LILRB1: variants seen among roughly 807,000 people sequenced by gnomAD.
LILRB1 encodes leukocyte immunoglobulin-like receptor subfamily B member 1.
A neutral mutation model predicts 74.6 loss-of-function variants in LILRB1; 59 were observed. The observed-to-expected ratio is 0.79, with a 90% CI of 0.64 to 0.98. The LOEUF is 0.98. Among genes scored for constraint, LILRB1 ranks in the 50% least tolerant of loss-of-function variants. LILRB1 has a pLI of 0.00. For missense variants in LILRB1, 804 were observed against 822.6 expected, an observed-to-expected ratio of 0.98 and a Z score of 0.28; for synonymous variants, 328 against 333.9, an observed-to-expected ratio of 0.98 and a Z score of 0.19.
chr19:54,636,787 C>T lies in LILRB1; in HGVS notation c.1868C>T (p.Thr623Ile), dbSNP rs369673231. The T allele has an allele frequency of 1.2e-5, 20 of 1,612,892 alleles. No homozygotes were observed. The highest frequency in any genetic ancestry group is 1.6e-5 in the Non-Finnish European group (19 of 1,179,374). Residue 623 changes from threonine (T) to isoleucine (I), a missense_variant, in exon 15 of 15, where the codon ACC (threonine) becomes ATC (isoleucine). Thr to Ile is a moderately conservative substitution (Grantham distance 89). Coordinates refer to ENST00000324602, the MANE Select transcript of LILRB1 (RefSeq NM_001081637.3). Reference protein sequence around the residue: ...DVTYAQLHSLTLRREATEPPP... With the variant: ...DVTYAQLHSLILRREATEPPP... Reference sequence around the variant, plus strand: ...ACCTACGCCCAGCTGCACAGCTTGACCCTCAGACGGGAGGCAACTGAGCCT... The same window carrying T: ...ACCTACGCCCAGCTGCACAGCTTGATCCTCAGACGGGAGGCAACTGAGCCT...
chr19:54,617,553 C>CTGTG (rs55635122), intron 1 of LILRB1, among the ~76,000 whole-genome samples: 38,089 of 142,982 alleles, frequency 0.27, 5,403 homozygotes, highest in South Asian at 0.34. Context: ...TACAGGATGT[C>CTGTG]TGTGTGTGTG....
chr19:54,618,862 T>C (rs954717705), intron 1 of LILRB1, among the ~76,000 whole-genome samples: 2 of 152,318 alleles, frequency 1.3e-5, no homozygotes, highest in Admixed American at 1.3e-4. Flanking sequence ...TGTCACAGTG[T>C]TCATAAATAA....
At chr19:54,634,340 G>T (rs2064196872) in intron 9 of LILRB1, 1 of 1,541,634 alleles carries the variant, frequency 6.5e-7, no homozygotes, top group Non-Finnish European at 8.8e-7. Flanking sequence ...CATGGTTCAG[G>T]ACGGTCAGGC....
chr19:54,633,542 T>C lies in LILRB1; in HGVS notation c.1262-96T>C, dbSNP rs1281296181. 11 of 1,294,818 alleles carry C rather than the reference T, an allele frequency of 8.5e-6. No homozygotes were observed. In the East Asian group the frequency reaches 1.8e-4, roughly 21 times the overall value. 80.2% of individuals were successfully genotyped at this position (1,294,818 alleles called of 1,614,324 possible). A position where few individuals can be genotyped will look rare whatever the true frequency, so the allele number is the denominator to read the frequency against. On this transcript the variant is annotated intron_variant, in intron 7 of 14. Transcript: ENST00000324602. ...GGAGAGGCGGGTGGAGGGAGGGGCC[T>C]GGGGAGGCCACAGGTCCCATGTAGA...
At chr19:54,625,902 T>A (rs2063573672), upstream of LILRB1, among the ~76,000 whole-genome samples, 2 of 149,764 alleles carry the variant, frequency 1.3e-5, no homozygotes, top group South Asian at 4.3e-4. Flanking sequence ...CACTCACCCC[T>A]TCCCCGTGTT....
chr19:54,624,588 G>A (rs2063531490), intron 1 of LILRB1, among the ~76,000 whole-genome samples: 1 of 152,104 alleles, frequency 6.6e-6, no homozygotes, highest in South Asian at 2.1e-4. Context: ...CTGGCTGGGT[G>A]GGCCCGACCT....
Position 54,630,570 on chromosome 19 carries a change from T to G in LILRB1, c.-112T>G, listed in dbSNP as rs968926484. ...AGATGCGTCTCTGCTGATCTGAGTC[T>G]GCCTGCAGCATGGACCTGGGTCTTC... On this transcript the variant is annotated 5_prime_UTR_variant, in exon 1 of 15. Transcript: ENST00000324602. 1.4e-5 allele frequency: 7 copies of G among 502,992 alleles called. No individual in the cohort carries two copies. The highest frequency in any genetic ancestry group is 1.8e-5 in the Non-Finnish European group (5 of 285,210). The allele number at this position is 502,992 out of a possible 1,614,324, so 31.2% of individuals were successfully genotyped here.
upstream of LILRB1, among the ~76,000 whole-genome samples, chr19:54,628,611 G>A (rs377271617): frequency 9.2e-5 from 14 of 152,198 alleles, no homozygotes; most frequent in Admixed American, 3.9e-4. Flanking sequence ...GAGACTCATA[G>A]GAGGAGGCAT....
rs2064137527 is a variant in LILRB1 at position 54,633,830 on chromosome 19, C to T, written c.1313-141C>T. The T allele has an allele frequency of 7.6e-6, 11 of 1,447,384 alleles. No homozygotes were observed. In the Admixed American group the frequency reaches 1.4e-4, roughly 18 times the overall value. 89.7% of individuals were successfully genotyped at this position (1,447,384 alleles called of 1,614,324 possible). A position where few individuals can be genotyped will look rare whatever the true frequency, so the allele number is the denominator to read the frequency against. On this transcript the variant is annotated intron_variant, in intron 8 of 14. Transcript: ENST00000324602. ...AGAGCCAGAGGAGGGGCCACAGGGTCCCCAGGGCTCTGAGGCTGGGCTGGT... is the reference window on the plus strand; with the variant it reads ...AGAGCCAGAGGAGGGGCCACAGGGTTCCCAGGGCTCTGAGGCTGGGCTGGT...
chr19:54,629,269 A>C (rs1270701339), upstream of LILRB1, among the ~76,000 whole-genome samples: 1 of 152,184 alleles, frequency 6.6e-6, no homozygotes, highest in African/African-American at 2.4e-5. Flanking sequence ...TGGTGCATGT[A>C]GCGGGTACTG....
chr19:54,631,867 C>T (rs1184879852), intron 4 of LILRB1, 68 bp from the exon 5 acceptor site: 10 of 1,605,548 alleles, frequency 6.2e-6, no homozygotes, highest in Middle Eastern at 1.7e-4. Flanking sequence ...CTCCCTCTCA[C>T]AGCCCAGCCC....
At chr19:54,625,801 G>GT (rs1449759923), upstream of LILRB1, among the ~76,000 whole-genome samples, 1 of 140,616 alleles carries the variant, frequency 7.1e-6, no homozygotes, top group Non-Finnish European at 1.5e-5. Context: ...CCCCTTCCCC[G>GT]TGTTAGGGAC....
At chr19:54,622,252 T>C (rs1244965044) in intron 1 of LILRB1, among the ~76,000 whole-genome samples, 2 of 152,228 alleles carry the variant, frequency 1.3e-5, no homozygotes, top group African/African-American at 4.8e-5. Context: ...TAATAGGAAT[T>C]GTGTTGAATC....
At chr19:54,634,349 G>C in intron 9 of LILRB1, 1 of 1,539,690 alleles carries the variant, frequency 6.5e-7, no homozygotes, top group South Asian at 1.2e-5. Context: ...GGACGGTCAG[G>C]CTCTTTCCCT....
intron 7 of LILRB1, 25 bp from the exon 8 acceptor site, chr19:54,633,613 A>G (rs2064113671): frequency 6.2e-7 from 1 of 1,608,212 alleles, no homozygotes; most frequent in Non-Finnish European, 8.5e-7. Context: ...CCAGCTCCTC[A>G]GCCTCCTCTC....
At chr19:54,628,091 A>C (rs535776652), upstream of LILRB1, among the ~76,000 whole-genome samples, 16 of 152,260 alleles carry the variant, frequency 1.1e-4, no homozygotes, top group African/African-American at 3.6e-4. Context: ...CACACTCTGT[A>C]TTTGTCCCGA....
upstream of LILRB1, among the ~76,000 whole-genome samples, chr19:54,627,773 T>A (rs1175931846): frequency 6.6e-6 from 1 of 152,134 alleles, no homozygotes; most frequent in Non-Finnish European, 1.5e-5. Flanking sequence ...TTTCCTCTAC[T>A]CTCACACCAC....
chr19:54,619,914 A>G (rs1429044513), intron 1 of LILRB1, among the ~76,000 whole-genome samples: 1 of 151,402 alleles, frequency 6.6e-6, no homozygotes, highest in Non-Finnish European at 1.5e-5. Context: ...TTAATCTTAA[A>G]ACTCTCTCCA....
At chr19:54,632,866 G>A (rs144433941) in intron 6 of LILRB1, 106 bp downstream of exon 6, 40,601 of 1,561,210 alleles carry the variant, frequency 0.026, 651 homozygotes, top group Non-Finnish European at 0.032. Flanking sequence ...CCCAAGGGAG[G>A]GAGAGACAGA....
Sources: gnomAD v4.1 joint callset for allele counts (sites outside exome capture counted in the v4.1 genomes callset) on GRCh38, gnomAD v4.1.1 for gene constraint, MANE v1.5 for transcripts, NCBI Gene and HGNC (gene_info 2026-07-23, HGNC 2026-07-21) for gene names.